Variants in GAS2L3 observed in about 807,000 individuals in gnomAD.
GAS2L3 encodes growth arrest specific 2 like 3.
GAS2L3 carries 28 observed loss-of-function variants against 37.0 expected under a neutral mutation model. The observed-to-expected ratio is 0.76, with a 90% CI of 0.56 to 1.04. The LOEUF is 1.04. Ranked by LOEUF, GAS2L3 falls within the 50% of genes least tolerant of loss-of-function variation. The pLI is 0.00. For synonymous variants in GAS2L3, 290 were observed against 296.6 expected (o/e 0.98, Z 0.23); for missense variants, 793 against 817.6 (o/e 0.97, Z 0.37).
At chr12:100,605,876 T>A (rs1198261075) in intron 5 of GAS2L3, among the ~76,000 whole-genome samples, 1 of 143,326 alleles carries the variant, frequency 7.0e-6, no homozygotes, top group African/African-American at 2.7e-5. Context: ...TTATTTCAGG[T>A]TTTTTTTTTT....
intron 9 of GAS2L3, among the ~76,000 whole-genome samples, chr12:100,623,355 A>AT (rs1956282754): frequency 6.6e-6 from 1 of 152,208 alleles, no homozygotes; most frequent in Admixed American, 6.5e-5. Context: ...AAATTGGAAG[A>AT]TTTTGTATCA....
At position 100,576,451 on chromosome 12, in the gene GAS2L3, A is replaced by G. The variant is rs569215283; in HGVS notation, c.-152+2666A>G. Among the ~76,000 whole-genome samples the G allele has an allele frequency of 9.8e-5, 15 of 152,312 alleles. No individual in the cohort carries two copies. The East Asian group carries it at 2.9e-3, about 29-fold the overall frequency. On this transcript the variant is annotated intron_variant, in intron 1 of 9. Coordinates refer to ENST00000547754, the MANE Select transcript of GAS2L3 (RefSeq NM_174942.3). ...ATTGGTTTTCATACTTTGATATTAGATATACCAGTACATATCTAATGAGTC... is the reference window on the plus strand; with the variant it reads ...ATTGGTTTTCATACTTTGATATTAGGTATACCAGTACATATCTAATGAGTC...
chr12:100,596,925 A>G (rs924208508), intron 3 of GAS2L3, among the ~76,000 whole-genome samples: 5 of 152,056 alleles, frequency 3.3e-5, no homozygotes, highest in African/African-American at 1.2e-4. Flanking sequence ...TAATGACAAT[A>G]TGACAGCTTT....
rs1955929559 is a variant in GAS2L3, at chr12:100,597,582, T to G, written c.18+2660T>G. ...CTGAAGTAAATGTCCCTTAAATAACTTACATTTCTTTTTTGTCTTTGATGG... is the reference window on the plus strand; with the variant it reads ...CTGAAGTAAATGTCCCTTAAATAACGTACATTTCTTTTTTGTCTTTGATGG... On this transcript the variant is annotated intron_variant, in intron 3 of 9. Transcript: ENST00000547754. Among the ~76,000 whole-genome samples, 3 of 152,190 alleles carry G rather than the reference T, an allele frequency of 2.0e-5. No individual in the cohort carries two copies. The East Asian group carries it at 5.8e-4, about 29-fold the overall frequency.
At position 100,624,176 on chromosome 12, in the gene GAS2L3, G is replaced by A. The variant is rs773495800; in HGVS notation, c.1371G>A (p.Glu457=). ...CCCAGAATTCAGCAGATCTGCCCGAGTCCACACTTTTGCCAAATAAGTGTT... is the reference window on the plus strand; with the variant it reads ...CCCAGAATTCAGCAGATCTGCCCGAATCCACACTTTTGCCAAATAAGTGTT... ...IPAQNSADLP[E]STLLPNKCSG... is the part of the protein sequence containing the mutation. Residue 457 remains glutamate, a synonymous_variant, in exon 10 of 10, where the codon GAG becomes GAA. Coordinates refer to ENST00000547754, the MANE Select transcript of GAS2L3 (RefSeq NM_174942.3). 1.2e-6 allele frequency: 2 copies of A among 1,611,992 alleles called. No individual in the cohort carries two copies. The highest frequency in any genetic ancestry group is 2.7e-5 in the African/African-American group (2 of 74,194).
chr12:100,582,168 G>A (rs1955721216), intron 1 of GAS2L3, among the ~76,000 whole-genome samples: 1 of 152,224 alleles, frequency 6.6e-6, no homozygotes, highest in Non-Finnish European at 1.5e-5. Flanking sequence ...GATTTGGGTA[G>A]GTAGTGGAAA....
At chr12:100,623,486 A>G (rs1480586382) in intron 9 of GAS2L3, 76 bp from the exon 10 acceptor site, 4 of 1,335,098 alleles carry the variant, frequency 3.0e-6, no homozygotes, top group Non-Finnish European at 4.1e-6. Context: ...GACATCACAT[A>G]TTGTAACTGC....
chr12:100,608,474 T>C (rs922351344), intron 5 of GAS2L3, among the ~76,000 whole-genome samples: 5 of 152,160 alleles, frequency 3.3e-5, no homozygotes, highest in African/African-American at 1.2e-4. Flanking sequence ...TTCAGAGTCA[T>C]GTTCCCCCAG....
At chr12:100,618,714 T>C (rs1956218532) in intron 8 of GAS2L3, 127 bp downstream of exon 8, 2 of 727,768 alleles carry the variant, frequency 2.7e-6, no homozygotes, top group African/African-American at 1.8e-5. Flanking sequence ...TATAAACCGG[T>C]ACTATTCTCC....
chr12:100,613,027 G>A (rs887570815), intron 6 of GAS2L3, among the ~76,000 whole-genome samples: 25 of 152,206 alleles, frequency 1.6e-4, no homozygotes, highest in Non-Finnish European at 2.9e-4. Context: ...TGTAGAGCAA[G>A]CATGGGATGC....
intron 4 of GAS2L3, among the ~76,000 whole-genome samples, chr12:100,600,935 A>G (rs575403673): frequency 6.6e-6 from 1 of 152,206 alleles, no homozygotes; most frequent in East Asian, 1.9e-4. Flanking sequence ...CATATACTGT[A>G]GGTTAAATGA....
At chr12:100,618,783 G>C (rs920608320) in intron 8 of GAS2L3, 196 bp downstream of exon 8, 6 of 484,992 alleles carry the variant, frequency 1.2e-5, no homozygotes, top group Non-Finnish European at 1.4e-5. Flanking sequence ...GCTTGTGTAT[G>C]ATGAGGAATA....
At chr12:100,592,963 A>G (rs900542992) in intron 2 of GAS2L3, among the ~76,000 whole-genome samples, 1 of 152,158 alleles carries the variant, frequency 6.6e-6, no homozygotes, top group Non-Finnish European at 1.5e-5. Flanking sequence ...TATGAAACAA[A>G]TAGAGATTTT....
At chr12:100,616,875 T>A (rs957899730) in intron 6 of GAS2L3, among the ~76,000 whole-genome samples, 2 of 152,178 alleles carry the variant, frequency 1.3e-5, no homozygotes, top group African/African-American at 4.8e-5. Context: ...ATAATAAGAG[T>A]GGACATCCTT....
chr12:100,623,924 G>T lies in GAS2L3; in HGVS notation c.1119G>T (p.Leu373Phe), dbSNP rs1956293183. 6.2e-7 allele frequency: 1 copy of T among 1,613,898 alleles called. No homozygotes were observed. Among genetic ancestry groups the T allele is most frequent in the Admixed American group, 1.7e-5 (1 of 59,980 alleles). ...NLGSMSVRSKLPNSPAASSHP... is the reference protein window; with the variant it reads ...NLGSMSVRSKFPNSPAASSHP... ...GCTCTATGTCAGTCCGTTCTAAATTGCCAAATTCTCCAGCAGCATCTTCTC... is the reference window on the plus strand; with the variant it reads ...GCTCTATGTCAGTCCGTTCTAAATTTCCAAATTCTCCAGCAGCATCTTCTC... Residue 373 changes from leucine (L) to phenylalanine (F), a missense_variant, in exon 10 of 10, where the codon TTG (leucine) becomes TTT (phenylalanine). Physicochemically the swap from Leu to Phe is conservative, Grantham distance 22. Coordinates refer to ENST00000547754, the MANE Select transcript of GAS2L3 (RefSeq NM_174942.3).
chr12:100,600,352 A>C (rs1955969625), intron 3 of GAS2L3, 30 bp from the exon 4 acceptor site: 6 of 1,447,886 alleles, frequency 4.1e-6, no homozygotes, highest in Non-Finnish European at 5.7e-6. Flanking sequence ...GGTTTTATTC[A>C]TTCAGTTGAT....
chr12:100,617,778 T>A lies in GAS2L3; in HGVS notation c.480T>A (p.Cys160Ter). 6.2e-7 allele frequency: 1 copy of A among 1,608,486 alleles called. No homozygotes were observed. Among genetic ancestry groups the A allele is most frequent in the Non-Finnish European group, 8.5e-7 (1 of 1,175,484 alleles). ...AAGATCCAAGACAGGTGTATCTTTG[T>A]CTTCTTGAAATTGGTCGAATTGTGT... ...LHKDPRQVYL[C>*]LLEIGRIVSR... Residue 160 changes from cysteine (C) to a stop codon, truncating the protein, a stop_gained, in exon 7 of 10, where the codon TGT (cysteine) becomes TGA (stop). Transcript: ENST00000547754. LOFTEE classifies it high-confidence loss of function.
chr12:100,596,451 C>T (rs1955913094), intron 3 of GAS2L3, among the ~76,000 whole-genome samples: 1 of 151,960 alleles, frequency 6.6e-6, no homozygotes, highest in African/African-American at 2.4e-5. Context: ...CTTCTCTGAT[C>T]CAGATTCCAA....
chr12:100,612,044 A>C lies in GAS2L3; in HGVS notation c.348A>C (p.Ser116=), dbSNP rs1170809207. ...TGCCCTGTAAGAAAGATGCTGCATC[A>C]GGTTCATTCTTTGCTCGGGACAATA... ...RKVPCKKDAA[S]GSFFARDNTA... Residue 116 remains serine, a synonymous_variant, in exon 6 of 10, where the codon TCA becomes TCC. Coordinates refer to ENST00000547754, the MANE Select transcript of GAS2L3 (RefSeq NM_174942.3). 1 of 1,611,484 alleles carries C rather than the reference A, an allele frequency of 6.2e-7. No individual in the cohort carries two copies. Among genetic ancestry groups the C allele is most frequent in the Non-Finnish European group, 8.5e-7 (1 of 1,177,648 alleles).
Sources: gnomAD v4.1 joint callset for allele counts (sites outside exome capture counted in the v4.1 genomes callset) on GRCh38, gnomAD v4.1.1 for gene constraint, MANE v1.5 for transcripts, NCBI Gene and HGNC (gene_info 2026-07-23, HGNC 2026-07-21) for gene names.